Variants in FIP1L1 observed in about 807,000 individuals in gnomAD.
FIP1L1 encodes the protein factor interacting with PAPOLA and CPSF1, also known as pre-mRNA 3'-end-processing factor FIP1.
A neutral mutation model predicts 84.6 loss-of-function variants in FIP1L1; 21 were observed. That is an observed-to-expected ratio of 0.25 (90% CI 0.18 to 0.36). The LOEUF (loss-of-function observed/expected upper bound fraction) is 0.36. Among genes scored for constraint, FIP1L1 ranks in the 10% least tolerant of loss-of-function variants. FIP1L1 has a pLI of 1.00. For missense variants in FIP1L1, 526 were observed against 751.1 expected (o/e 0.70, Z 3.50); for synonymous variants, 263 against 242.3 (o/e 1.09, Z -0.80).
intron 9 of FIP1L1, among the ~76,000 whole-genome samples, chr4:53,397,404 C>T (rs1747964860): frequency 6.6e-6 from 1 of 152,182 alleles, no homozygotes; most frequent in African/African-American, 2.4e-5. Context: ...GGTCCAAAAA[C>T]ACCGTTTTTA....
intron 13 of FIP1L1, among the ~76,000 whole-genome samples, chr4:53,432,838 C>T (rs538837076): frequency 3.9e-4 from 59 of 151,282 alleles, no homozygotes; most frequent in African/African-American, 1.3e-3. Context: ...TCCAGAAAAT[C>T]GTATTATTGG....
chr4:53,430,102 A>G (rs1053246321), intron 13 of FIP1L1, among the ~76,000 whole-genome samples: 3 of 152,144 alleles, frequency 2.0e-5, no homozygotes, highest in African/African-American at 7.2e-5. Context: ...GTCACAAATG[A>G]CAGAATGAAA....
At chr4:53,401,112 A>G (rs1199379895) in intron 10 of FIP1L1, among the ~76,000 whole-genome samples, 1 of 152,172 alleles carries the variant, frequency 6.6e-6, no homozygotes, top group East Asian at 1.9e-4. Context: ...CTTCCCTCAC[A>G]GTGTAGTTAT....
chr4:53,439,924 A>T (rs1578998444), intron 13 of FIP1L1, among the ~76,000 whole-genome samples: 1 of 152,052 alleles, frequency 6.6e-6, no homozygotes, highest in Admixed American at 6.5e-5. Context: ...TATAATGTGT[A>T]CAAATAATGA....
intron 9 of FIP1L1, among the ~76,000 whole-genome samples, chr4:53,393,798 G>C (rs1745778647): frequency 8.6e-6 from 1 of 116,692 alleles, no homozygotes; most frequent in African/African-American, 3.3e-5. Context: ...GGCTGTGAAT[G>C]TATGAGCTTT....
At chr4:53,378,158 G>T in intron 1 of FIP1L1, 1 of 408,848 alleles carries the variant, frequency 2.4e-6, no homozygotes, top group South Asian at 6.0e-5. Context: ...GCCGGGCTGG[G>T]GGGCTGTGAC....
chr4:53,437,786 C>T (rs1269111900), intron 13 of FIP1L1, among the ~76,000 whole-genome samples: 3 of 151,742 alleles, frequency 2.0e-5, no homozygotes, highest in East Asian at 1.9e-4. Context: ...AGTGCAGTGG[C>T]GCGACCTCGG....
chr4:53,429,343 G>T (rs911886969), intron 13 of FIP1L1, among the ~76,000 whole-genome samples: 1 of 152,124 alleles, frequency 6.6e-6, no homozygotes, highest in Non-Finnish European at 1.5e-5. Flanking sequence ...TGAATTTCTA[G>T]TTCCAACAAA....
chr4:53,423,971 T>C (rs1763384057), intron 11 of FIP1L1, among the ~76,000 whole-genome samples: 1 of 152,156 alleles, frequency 6.6e-6, no homozygotes, highest in Non-Finnish European at 1.5e-5. Context: ...ATAGAAAATT[T>C]TCCCCTCAAC....
intron 11 of FIP1L1, among the ~76,000 whole-genome samples, chr4:53,416,100 TG>T (rs1560534266): frequency 6.6e-6 from 1 of 152,200 alleles, no homozygotes. Context: ...TAGAATGAAG[TG>T]TATGAGTCTT....
intron 10 of FIP1L1, among the ~76,000 whole-genome samples, chr4:53,408,657 C>A (rs953147719): frequency 1.3e-5 from 2 of 152,194 alleles, no homozygotes; most frequent in African/African-American, 4.8e-5. Context: ...TTGGTCTTTT[C>A]ACATAGTCCC....
chr4:53,415,105 A>C (rs1758902451), intron 11 of FIP1L1, among the ~76,000 whole-genome samples: 1 of 152,134 alleles, frequency 6.6e-6, no homozygotes, highest in Admixed American at 6.5e-5. Flanking sequence ...AGGACCCGTA[A>C]AATTTGACTC....
intron 13 of FIP1L1, among the ~76,000 whole-genome samples, chr4:53,436,590 C>G (rs1198432794): frequency 6.6e-6 from 1 of 152,094 alleles, no homozygotes; most frequent in Admixed American, 6.5e-5. Context: ...AGCCCCCACA[C>G]AGGACATAAA....
intron 13 of FIP1L1, among the ~76,000 whole-genome samples, chr4:53,429,898 T>C (rs1215239213): frequency 6.6e-6 from 1 of 152,182 alleles, no homozygotes; most frequent in Non-Finnish European, 1.5e-5. Flanking sequence ...AACTTGTTTT[T>C]CTCATTTTAC....
intron 11 of FIP1L1, among the ~76,000 whole-genome samples, chr4:53,424,551 T>C (rs976859683): frequency 6.6e-6 from 1 of 152,066 alleles, no homozygotes; most frequent in Non-Finnish European, 1.5e-5. Flanking sequence ...ACTAAAGTTA[T>C]AGAGAAGGGA....
rs749779629 is a variant in FIP1L1 at position 53,379,224 on chromosome 4, GATGAAA to G, written c.136_141del (p.Asn46_Glu47del). On this transcript the variant is annotated inframe_deletion and splice_region_variant, in exon 3 of 18. Coordinates refer to ENST00000337488, the MANE Select transcript of FIP1L1 (RefSeq NM_030917.4). ...ATTTATTTGTTTATTTTACTTGGTA[GATGAAA>G]ATGAAGTTGAAAGGCCAGAAGAAGA... 1.3e-5 allele frequency: 21 copies of G among 1,605,742 alleles called. No individual in the cohort carries two copies. The highest frequency in any genetic ancestry group is 2.3e-5 in the South Asian group (2 of 88,794).
chr4:53,383,781 T>G lies in FIP1L1; in HGVS notation c.237T>G (p.Thr79=). The G allele has an allele frequency of 6.2e-7, 1 of 1,608,658 alleles. No individual in the cohort carries two copies. Among genetic ancestry groups the G allele is most frequent in the South Asian group, 1.1e-5 (1 of 90,802 alleles). ...AENGVPKPKV[T]ETEDDSDSDS... is the part of the protein sequence containing the mutation. Reference sequence around the variant, plus strand: ...TGTTTATGTTCATGTAGAAAGTGACTGAGACCGAAGATGATAGTGATAGTG... The same window carrying G: ...TGTTTATGTTCATGTAGAAAGTGACGGAGACCGAAGATGATAGTGATAGTG... Residue 79 remains threonine, a synonymous_variant, in exon 5 of 18, where the codon ACT becomes ACG. Transcript: ENST00000337488.
In FIP1L1 at chr4:53,402,326, T is replaced by C. The variant is rs566730273; in HGVS notation, c.815+2487T>C. Reference sequence around the variant, plus strand: ...GGGCACTTTTTGGAAGACTATTTTCTTTCTGTGGGGGCCAGAGAAATGTGA... The same window carrying C: ...GGGCACTTTTTGGAAGACTATTTTCCTTCTGTGGGGGCCAGAGAAATGTGA... On this transcript the variant is annotated intron_variant, in intron 10 of 17. Transcript: ENST00000337488. Among the ~76,000 whole-genome samples the C allele has an allele frequency of 4.6e-5, 7 of 151,986 alleles. No homozygotes were observed. In the South Asian group the frequency reaches 1.5e-3, roughly 32 times the overall value.
chr4:53,421,776 A>C (rs1466910629), intron 11 of FIP1L1, among the ~76,000 whole-genome samples: 1 of 152,232 alleles, frequency 6.6e-6, no homozygotes, highest in Non-Finnish European at 1.5e-5. Context: ...TAATTCAAGC[A>C]ATATTTCAAG....
Sources: gnomAD v4.1 joint callset for allele counts (sites outside exome capture counted in the v4.1 genomes callset) on GRCh38, gnomAD v4.1.1 for gene constraint, MANE v1.5 for transcripts, NCBI Gene and HGNC (gene_info 2026-07-23, HGNC 2026-07-21) for gene names.